The following CORO7 variants were observed in gnomAD, a reference collection of about 807,000 sequenced individuals.
CORO7 encodes coronin 7.
CORO7 carries 107 observed loss-of-function variants against 126.6 expected under a neutral mutation model. The observed-to-expected ratio is 0.85, with a 90% CI of 0.72 to 0.99. CORO7 has a LOEUF of 0.99. Ranked by LOEUF, CORO7 falls within the 50% of genes least tolerant of loss-of-function variation. The pLI is 0.00. For synonymous variants in CORO7, 603 were observed against 536.8 expected (o/e 1.12, Z -1.70); for missense variants, 1,314 against 1,255.8 (o/e 1.05, Z -0.70).
chr16:4,362,180 T>C lies in CORO7; in HGVS notation c.1403-20A>G. On this transcript the variant is annotated intron_variant, in intron 15 of 27. Transcript: ENST00000251166. This position sits in a 1 kb window ranked among gnomAD's most constrained non-coding sequence, Gnocchi z 5.3. Reference sequence around the variant, plus strand: ...TGGGGCCTGGCAGGTGGCAGGGACATGGAACCACGTGTGAGGATGCCGTCC... The same window carrying C: ...TGGGGCCTGGCAGGTGGCAGGGACACGGAACCACGTGTGAGGATGCCGTCC... The C allele has an allele frequency of 1.3e-6, 2 of 1,598,620 alleles. No individual in the cohort carries two copies. The highest frequency in any genetic ancestry group is 1.1e-5 in the South Asian group (1 of 90,444).
At chr16:4,371,814 G>A (rs1171317076) in intron 9 of CORO7, 2 of 152,060 alleles carry the variant, frequency 1.3e-5, no homozygotes, top group Admixed American at 6.6e-5. Flanking sequence ...CCGCCCCCCG[G>A]GACTCTTAAG....
chr16:4,384,639 C>G (rs1001166209), intron 9 of CORO7, among the ~76,000 whole-genome samples: 1 of 152,218 alleles, frequency 6.6e-6, no homozygotes, highest in Non-Finnish European at 1.5e-5. Flanking sequence ...TCAGGCCCAG[C>G]CACGCGAGGC....
chr16:4,369,284 C>A (rs569645699), intron 9 of CORO7, among the ~76,000 whole-genome samples: 1 of 152,386 alleles, frequency 6.6e-6, no homozygotes, highest in Non-Finnish European at 1.5e-5. Context: ...AAAGGTTGGC[C>A]AAGTGTTGGC....
Position 4,382,176 on chromosome 16 carries a change from C to T in CORO7, c.785+5810G>A, listed in dbSNP as rs184927151. ...GGCACCACCTGGCGTGCTTGTGCCCCGAAGGCTTCACGGGCCTGTACTGTG... is the reference window on the plus strand; with the variant it reads ...GGCACCACCTGGCGTGCTTGTGCCCTGAAGGCTTCACGGGCCTGTACTGTG... On this transcript the variant is annotated intron_variant, in intron 9 of 27. Coordinates refer to ENST00000251166, the MANE Select transcript of CORO7 (RefSeq NM_024535.5). 3.2e-5 allele frequency: 51 copies of T among 1,596,248 alleles called. No individual in the cohort carries two copies. The East Asian group carries it at 8.4e-4, about 26-fold the overall frequency.
chr16:4,361,201 G>A lies in CORO7; in HGVS notation c.1735C>T (p.Leu579=), dbSNP rs1159178541. 6.2e-7 allele frequency: 1 copy of A among 1,611,912 alleles called. No individual in the cohort carries two copies. The highest frequency in any genetic ancestry group is 8.5e-7 in the Non-Finnish European group (1 of 1,179,996). ...IRLWRVPAEG[L]EEVLTTPETV... is the part of the protein sequence containing the mutation. The stretch of plus-strand genomic sequence containing the variant: ...TCTGGCGTGGTGAGCACCTCTTCCA[G>A]GCCCTCTGCGGGTACCCGCCACAGT... Residue 579 remains leucine, a synonymous_variant, in exon 18 of 28, where the codon CTG becomes TTG. Coordinates refer to ENST00000251166, the MANE Select transcript of CORO7 (RefSeq NM_024535.5).
intron 9 of CORO7, among the ~76,000 whole-genome samples, chr16:4,372,459 G>C (rs2054569344): frequency 6.6e-6 from 1 of 152,230 alleles, no homozygotes; most frequent in Non-Finnish European, 1.5e-5. Context: ...ACAGCTGGGG[G>C]CTACAGATAT....
intron 8 of CORO7, 93 bp from the exon 9 acceptor site, chr16:4,388,161 T>C (rs1406247319): frequency 6.1e-6 from 9 of 1,486,622 alleles, no homozygotes; most frequent in African/African-American, 1.4e-5. Flanking sequence ...GGGTGCAGCC[T>C]GACACGGGGC....
At position 4,413,316 on chromosome 16, in the gene CORO7, T is replaced by C; in HGVS notation, c.149A>G (p.Asp50Gly). The stretch of plus-strand genomic sequence containing the variant: ...TCATGGCCATTCCCTACCAGGACGG[T>C]CGGAGTTGAAGGCGATCAAGCTGCA... The part of the protein sequence containing the change: ...SSCSLIAFNS[D>G]RPGVLGIVPL... The change falls in exon 2 of 28, where the codon GAC becomes GGC. Residue 50 changes from aspartate to glycine, a missense_variant. Physicochemically the swap from Asp to Gly is moderately conservative, Grantham distance 94. Coordinates refer to ENST00000251166, the MANE Select transcript of CORO7 (RefSeq NM_024535.5). 1 of 1,578,510 alleles carries C rather than the reference T, an allele frequency of 6.3e-7. No individual in the cohort carries two copies.
chr16:4,405,340 G>A (rs1220434637), intron 6 of CORO7, 151 bp downstream of exon 6: 4 of 775,402 alleles, frequency 5.2e-6, no homozygotes, highest in Non-Finnish European at 7.5e-6. Flanking sequence ...GGGGTGTGAG[G>A]AGCAGCTAGG....
At chr16:4,379,817 C>G (rs2054884125) in intron 9 of CORO7, among the ~76,000 whole-genome samples, 1 of 147,674 alleles carries the variant, frequency 6.8e-6, no homozygotes, top group Non-Finnish European at 1.5e-5. Context: ...CTGAGGCGGG[C>G]AGATCACCTG....
At chr16:4,370,517 C>T (rs907290194) in intron 9 of CORO7, among the ~76,000 whole-genome samples, 2 of 152,218 alleles carry the variant, frequency 1.3e-5, no homozygotes, top group African/African-American at 4.8e-5. Flanking sequence ...ATAAAGCCTG[C>T]ACTAAATGCA....
intron 1 of CORO7, among the ~76,000 whole-genome samples, chr16:4,415,112 A>G (rs1242440594): frequency 6.6e-6 from 1 of 151,894 alleles, no homozygotes; most frequent in Non-Finnish European, 1.5e-5. Flanking sequence ...AAAGCAGTCC[A>G]CCCAAAGTAC....
chr16:4,381,439 A>G (rs372454412), intron 9 of CORO7: 2 of 1,580,570 alleles, frequency 1.3e-6, no homozygotes, highest in East Asian at 2.3e-5. Context: ...GGAGCCCGGC[A>G]TCCTGGACAC....
intron 9 of CORO7, chr16:4,381,161 T>C (rs2141244546): frequency 6.2e-7 from 1 of 1,610,984 alleles, no homozygotes; most frequent in Non-Finnish European, 8.5e-7. Flanking sequence ...CCCAGCGGGG[T>C]CTTCCAGCCA....
In CORO7 at chr16:4,416,488, G is replaced by A; in HGVS notation, c.31C>T (p.His11Tyr). 2.5e-6 allele frequency: 4 copies of A among 1,579,596 alleles called. No individual in the cohort carries two copies. The highest frequency in any genetic ancestry group is 2.6e-6 in the Non-Finnish European group (3 of 1,166,174). The change falls in exon 1 of 28, where the codon CAC (histidine) becomes TAC (tyrosine). Residue 11 changes from histidine (H) to tyrosine (Y), a missense_variant. His to Tyr is a moderately conservative substitution (Grantham distance 83, BLOSUM62 2). Transcript: ENST00000251166. The stretch of plus-strand genomic sequence containing the variant: ...CGGCGGGGCGGCCGAGCCTCGGTGT[G>A]CCGGAACTTGGACACCCTGAAGCGG... MNRFRVSKFRHTEARPPRRES... is the reference protein window; with the variant it reads MNRFRVSKFRYTEARPPRRES...
At chr16:4,374,438 T>G (rs1305437062) in intron 9 of CORO7, among the ~76,000 whole-genome samples, 1 of 151,856 alleles carries the variant, frequency 6.6e-6, no homozygotes, top group Non-Finnish European at 1.5e-5. Flanking sequence ...TTCTTCAGGG[T>G]TCGGGACGGC....
chr16:4,390,104 G>A (rs555756496), intron 7 of CORO7, among the ~76,000 whole-genome samples: 2 of 152,310 alleles, frequency 1.3e-5, no homozygotes, highest in African/African-American at 2.4e-5. Flanking sequence ...GGAGGTAGAT[G>A]TAGGCCAAAG....
chr16:4,405,675 A>G (rs1031256485), intron 5 of CORO7, 108 bp from the exon 6 acceptor site: 12 of 1,331,604 alleles, frequency 9.0e-6, no homozygotes, highest in African/African-American at 1.5e-5. Flanking sequence ...AGCAGCTACG[A>G]GGGTCCTTTT....
intron 7 of CORO7, among the ~76,000 whole-genome samples, chr16:4,394,142 C>A (rs2055493778): frequency 6.6e-6 from 1 of 151,922 alleles, no homozygotes; most frequent in African/African-American, 2.4e-5. Flanking sequence ...ATCGCACTTC[C>A]TGCTTAAAAC....
Sources: gnomAD v4.1 joint callset for allele counts (sites outside exome capture counted in the v4.1 genomes callset) on GRCh38, gnomAD v4.1.1 for gene constraint, Gnocchi (gnomAD v3.1) non-coding constraint, MANE v1.5 for transcripts, NCBI Gene and HGNC (gene_info 2026-07-23, HGNC 2026-07-21) for gene names.